Variants in TNS1 observed in about 807,000 individuals in gnomAD.
The protein encoded by TNS1 is tensin 1, also known as tensin-1.
Under a neutral mutation model 168.6 loss-of-function variants are expected in TNS1, and 62 were observed. The observed-to-expected ratio is 0.37, with a 90% CI of 0.30 to 0.45. The LOEUF (loss-of-function observed/expected upper bound fraction) is 0.45, where lower values mean the gene tolerates loss of function less well. Among genes scored for constraint, TNS1 ranks in the 20% least tolerant of loss-of-function variants. The pLI is 1.00. For synonymous variants in TNS1, 934 were observed against 933.2 expected, an observed-to-expected ratio of 1.00 and a Z score of -0.02; for missense variants, 2,240 against 2,339.4, an observed-to-expected ratio of 0.96 and a Z score of 0.88.
chr2:217,841,146 C>T, intron 19 of TNS1: 1 of 890,530 alleles, frequency 1.1e-6, no homozygotes, highest in Non-Finnish European at 1.3e-6. Flanking sequence ...AACTGATGCT[C>T]AAAAGTGGGC....
At chr2:217,956,242 A>T (rs1957359425) in intron 3 of TNS1, among the ~76,000 whole-genome samples, 2 of 152,122 alleles carry the variant, frequency 1.3e-5, no homozygotes, top group South Asian at 2.1e-4. Context: ...GGCTAAAGGG[A>T]TCCTCCCACC....
At chr2:217,881,803 G>C (rs990347541) in intron 17 of TNS1, 7 of 152,312 alleles carry the variant, frequency 4.6e-5, no homozygotes, top group Non-Finnish European at 1.0e-4. Flanking sequence ...GTCTGTCAGG[G>C]TGAGTTACCT....
At chr2:217,959,276 ACT>A (rs1257680006) in intron 3 of TNS1, among the ~76,000 whole-genome samples, 7 of 152,190 alleles carry the variant, frequency 4.6e-5, no homozygotes, top group Non-Finnish European at 1.0e-4. Flanking sequence ...TATTGACACA[ACT>A]CACATAAAGC....
At chr2:217,999,920 C>A (rs1958532775) in intron 1 of TNS1, among the ~76,000 whole-genome samples, 1 of 152,232 alleles carries the variant, frequency 6.6e-6, no homozygotes, top group Non-Finnish European at 1.5e-5. Flanking sequence ...AGGGCAGAGC[C>A]AAAGCTGCAC....
chr2:217,842,147 T>A, intron 19 of TNS1: 3 of 702,908 alleles, frequency 4.3e-6, no homozygotes, highest in Non-Finnish European at 7.8e-6. Flanking sequence ...CAGGACTCCA[T>A]CCTTGGGACC....
intron 3 of TNS1, among the ~76,000 whole-genome samples, chr2:217,971,623 T>C (rs1422766128): frequency 6.6e-6 from 1 of 152,252 alleles, no homozygotes; most frequent in Admixed American, 6.5e-5. Flanking sequence ...AGCAAGTGTA[T>C]GTTGGATTTT....
Position 217,813,576 on chromosome 2 carries a change from T to C in TNS1, c.4861+109A>G. 1.4e-6 allele frequency: 2 copies of C among 1,465,218 alleles called. No homozygotes were observed. The highest frequency in any genetic ancestry group is 4.6e-5 in the East Asian group (2 of 43,616). 90.8% of individuals were successfully genotyped at this position (1,465,218 alleles called of 1,614,324 possible). A position where few individuals can be genotyped will look rare whatever the true frequency, so the allele number is the denominator to read the frequency against. On this transcript the variant is annotated intron_variant, in intron 26 of 32. Transcript: ENST00000682258. This position sits in a 1 kb window ranked among gnomAD's most constrained non-coding sequence, Gnocchi z 4.0. ...CCAAGACACCCTCTTCCGAAGAGCC[T>C]GATGGGAGTTAAGGTCCTGCCCAGC...
intron 11 of TNS1, among the ~76,000 whole-genome samples, chr2:217,891,547 C>G (rs961359510): frequency 6.6e-6 from 1 of 152,136 alleles, no homozygotes; most frequent in Non-Finnish European, 1.5e-5. Flanking sequence ...TTGGGTTGCT[C>G]GAAGTCCTAA....
At chr2:217,935,407 G>T (rs1956552646) in intron 3 of TNS1, among the ~76,000 whole-genome samples, 1 of 152,148 alleles carries the variant, frequency 6.6e-6, no homozygotes, top group Non-Finnish European at 1.5e-5. Flanking sequence ...GAGAGTCATG[G>T]CCTCCTCTCC....
At position 217,835,625 on chromosome 2, in the gene TNS1, C is replaced by G. The variant is rs143679876; in HGVS notation, c.3204+390G>C. Among the ~76,000 whole-genome samples, 1,086 of 152,270 alleles carry G rather than the reference C, an allele frequency of 7.1e-3. 4 individuals are homozygous for G. Among genetic ancestry groups the G allele is most frequent in the South Asian group, 0.012 (56 of 4,828 alleles). ...ACTGAAATGTCTTAGAAATGCAAAT[C>G]TTTTGGAATGAAAATTAAATCTCCT... On this transcript the variant is annotated intron_variant, in intron 20 of 32. Coordinates refer to ENST00000682258, the MANE Select transcript of TNS1 (RefSeq NM_001387777.1).
chr2:217,804,272 C>T lies in TNS1; in HGVS notation c.*187G>A. On this transcript the variant is annotated 3_prime_UTR_variant, in exon 33 of 33. Transcript: ENST00000682258. ...CCTCCATCTTTCTCTCTCTCTCTCT[C>T]TCTCTCTCTCTCTCTCTTTTCCCCC... The T allele has an allele frequency of 3.1e-6, 2 of 640,964 alleles. No individual in the cohort carries two copies. The highest frequency in any genetic ancestry group is 2.6e-6 in the Non-Finnish European group (1 of 379,932). 39.7% of individuals were successfully genotyped at this position (640,964 alleles called of 1,614,324 possible).
chr2:218,015,170 G>A (rs1471936787), upstream of TNS1, among the ~76,000 whole-genome samples: 8 of 151,942 alleles, frequency 5.3e-5, no homozygotes, highest in African/African-American at 1.9e-4. Flanking sequence ...TTGAACCCCT[G>A]CCCCTGCCCC....
intron 14 of TNS1, 100 bp downstream of exon 14, chr2:217,885,944 G>T: frequency 6.4e-7 from 1 of 1,556,292 alleles, no homozygotes; most frequent in Non-Finnish European, 8.9e-7. Context: ...TGTCCTTTCA[G>T]CCCTCTTGAG....
intron 6 of TNS1, among the ~76,000 whole-genome samples, chr2:217,902,790 G>A (rs1953167195): frequency 6.6e-6 from 1 of 152,162 alleles, no homozygotes; most frequent in Non-Finnish European, 1.5e-5. Context: ...AGAGGATGGG[G>A]GACGAACAGC....
chr2:217,857,521 G>A (rs979273476), intron 18 of TNS1, among the ~76,000 whole-genome samples: 1 of 152,190 alleles, frequency 6.6e-6, no homozygotes, highest in Non-Finnish European at 1.5e-5. Context: ...TCTGTCAAGC[G>A]ATGATGATAA....
chr2:217,875,205 C>A (rs1950106154), intron 18 of TNS1, among the ~76,000 whole-genome samples: 1 of 152,178 alleles, frequency 6.6e-6, no homozygotes, highest in African/African-American at 2.4e-5. Flanking sequence ...ACCTTTCTGA[C>A]CCCCAGTGGA....
intron 1 of TNS1, among the ~76,000 whole-genome samples, chr2:218,008,373 C>T (rs749325263): frequency 7.9e-5 from 12 of 152,176 alleles, no homozygotes; most frequent in African/African-American, 1.7e-4. Flanking sequence ...GAAGTGGTTC[C>T]GTCATCCTCT....
chr2:217,973,828 A>G (rs1322277850), intron 3 of TNS1, among the ~76,000 whole-genome samples: 2 of 151,316 alleles, frequency 1.3e-5, no homozygotes, highest in East Asian at 3.9e-4. Context: ...GACAGAGGTG[A>G]CTAAGGGTTC....
intron 2 of TNS1, among the ~76,000 whole-genome samples, chr2:217,985,886 C>T (rs987028308): frequency 6.6e-6 from 1 of 152,318 alleles, no homozygotes; most frequent in African/African-American, 2.4e-5. Context: ...CCTAAAACCA[C>T]AGCTCCTCTG....
Sources: gnomAD v4.1 joint callset for allele counts (sites outside exome capture counted in the v4.1 genomes callset) on GRCh38, gnomAD v4.1.1 for gene constraint, Gnocchi (gnomAD v3.1) non-coding constraint, MANE v1.5 for transcripts, NCBI Gene and HGNC (gene_info 2026-07-23, HGNC 2026-07-21) for gene names.